Variants in POLR3B observed in about 807,000 individuals in gnomAD.
POLR3B encodes DNA-directed RNA polymerase III subunit RPC2.
In POLR3B, 96 loss-of-function variants were observed where a neutral mutation model predicts 147.4. That is an observed-to-expected ratio of 0.65 (90% confidence interval 0.55 to 0.77). POLR3B has a LOEUF of 0.77. Among genes scored for constraint, POLR3B ranks in the 30% least tolerant of loss-of-function variants. POLR3B has a pLI of 0.00. For synonymous variants in POLR3B, 461 were observed against 485.9 expected, an observed-to-expected ratio of 0.95 and a Z score of 0.67; for missense variants, 1,036 against 1,413.5, an observed-to-expected ratio of 0.73 and a Z score of 4.28.
intron 1 of POLR3B, among the ~76,000 whole-genome samples, chr12:106,359,331 A>ATTTT (rs35229993): frequency 1.0e-4 from 14 of 134,904 alleles, no homozygotes; most frequent in African/African-American, 3.3e-4. Flanking sequence ...AGGCAAAACT[A>ATTTT]TTTTTTTTTT....
At chr12:106,467,400 A>T (rs2038021506) in intron 23 of POLR3B, among the ~76,000 whole-genome samples, 1 of 152,204 alleles carries the variant, frequency 6.6e-6, no homozygotes, top group Admixed American at 6.5e-5. Flanking sequence ...ATCTGCAATG[A>T]AAGACAATTT....
chr12:106,409,659 G>T (rs2037197622), intron 11 of POLR3B, among the ~76,000 whole-genome samples: 1 of 145,618 alleles, frequency 6.9e-6, no homozygotes, highest in Non-Finnish European at 1.5e-5. Context: ...ATGTATGAAG[G>T]AGAATGCTTG....
At chr12:106,489,595 G>T (rs948337985) in intron 23 of POLR3B, among the ~76,000 whole-genome samples, 1 of 152,198 alleles carries the variant, frequency 6.6e-6, no homozygotes, top group Non-Finnish European at 1.5e-5. Context: ...AAAGAGGCTT[G>T]TGGGAAGTAA....
chr12:106,376,473 GTCCCACT>G (rs1343837094), intron 7 of POLR3B, 23 bp downstream of exon 7: 1 of 1,503,794 alleles, frequency 6.6e-7, no homozygotes, highest in African/African-American at 1.4e-5. Context: ...TCTTGGATTT[GTCCCACT>G]TTCCTTATTC....
chr12:106,428,053 TACTTG>T (rs1273521918), intron 13 of POLR3B, among the ~76,000 whole-genome samples: 10 of 152,220 alleles, frequency 6.6e-5, no homozygotes, highest in African/African-American at 9.6e-5. Flanking sequence ...CTTGCTTCAA[TACTTG>T]ACTTTAGAAC....
chr12:106,458,819 A>C (rs1476677163), intron 21 of POLR3B, among the ~76,000 whole-genome samples: 1 of 152,220 alleles, frequency 6.6e-6, no homozygotes, highest in Non-Finnish European at 1.5e-5. Flanking sequence ...AATGGGAATA[A>C]CAGCATAACC....
intron 22 of POLR3B, among the ~76,000 whole-genome samples, chr12:106,459,826 G>A (rs1012205339): frequency 6.6e-6 from 1 of 152,176 alleles, no homozygotes; most frequent in Admixed American, 6.6e-5. Context: ...TCTTACATGA[G>A]TAAAGCATTT....
In POLR3B at chr12:106,378,355, A is replaced by G. The variant is rs766028971; in HGVS notation, c.585A>G (p.Arg195=). Residue 195 remains arginine (R), a synonymous_variant, in exon 8 of 28, where the codon AGA becomes AGG. Transcript: ENST00000228347. Reference sequence around the variant, plus strand: ...ACAGGATCATCGTGGAGGCTGATAGAAAAGGGGCTGTTGGAGCTTCAGTTA... The same window carrying G: ...ACAGGATCATCGTGGAGGCTGATAGGAAAGGGGCTGTTGGAGCTTCAGTTA... The part of the protein sequence containing the change: ...SKNRIIVEAD[R]KGAVGASVTS... 5 of 1,613,174 alleles carry G rather than the reference A, an allele frequency of 3.1e-6. No homozygotes were observed. In the Admixed American group the frequency reaches 5.0e-5, roughly 16 times the overall value.
At chr12:106,408,370 G>A (rs934449137) in intron 11 of POLR3B, among the ~76,000 whole-genome samples, 6 of 152,160 alleles carry the variant, frequency 3.9e-5, no homozygotes, top group African/African-American at 1.4e-4. Context: ...TCAGTTCCTT[G>A]GAGACTGTGG....
At chr12:106,420,491 C>T (rs1246425271) in intron 12 of POLR3B, among the ~76,000 whole-genome samples, 4 of 152,146 alleles carry the variant, frequency 2.6e-5, no homozygotes, top group African/African-American at 9.7e-5. Context: ...GGTGAAAAGC[C>T]TTAAAAATGA....
chr12:106,490,909 T>C (rs1054931751), intron 23 of POLR3B, among the ~76,000 whole-genome samples: 4 of 152,188 alleles, frequency 2.6e-5, no homozygotes, highest in African/African-American at 9.7e-5. Flanking sequence ...CCAATAGATA[T>C]CTGCAACCCC....
chr12:106,386,004 C>G (rs990059853), intron 9 of POLR3B, among the ~76,000 whole-genome samples: 1 of 152,174 alleles, frequency 6.6e-6, no homozygotes, highest in Admixed American at 6.5e-5. Context: ...AGGGATCCCA[C>G]AGTGCCCAAT....
intron 1 of POLR3B, 53 bp downstream of exon 1, chr12:106,358,004 G>A: frequency 6.3e-7 from 1 of 1,599,020 alleles, no homozygotes; most frequent in Non-Finnish European, 8.5e-7. Flanking sequence ...CCCTGAGGGG[G>A]CGTTGCCCGG....
intron 16 of POLR3B, 58 bp from the exon 17 acceptor site, chr12:106,436,999 T>G (rs2037585309): frequency 7.7e-7 from 1 of 1,306,468 alleles, no homozygotes; most frequent in Admixed American, 1.7e-5. Context: ...TAAACTAACT[T>G]GCCTGTGTAA....
chr12:106,464,587 G>A (rs1002602805), intron 23 of POLR3B, among the ~76,000 whole-genome samples: 1 of 152,184 alleles, frequency 6.6e-6, no homozygotes, highest in Non-Finnish European at 1.5e-5. Context: ...AGTTAGCAGT[G>A]TGCCTGGCAC....
At chr12:106,399,237 A>G (rs2037026421) in intron 10 of POLR3B, among the ~76,000 whole-genome samples, 1 of 152,250 alleles carries the variant, frequency 6.6e-6, no homozygotes, top group African/African-American at 2.4e-5. Flanking sequence ...GTGATGGAAG[A>G]CGAAATGAAT....
intron 20 of POLR3B, among the ~76,000 whole-genome samples, 176 bp from the exon 21 acceptor site, chr12:106,456,962 T>G (rs1222222608): frequency 6.6e-6 from 1 of 152,192 alleles, no homozygotes; most frequent in Non-Finnish European, 1.5e-5. Flanking sequence ...TGCTGCTTCT[T>G]CAGATTATCA....
At chr12:106,499,096 A>C (rs2038552563) in intron 25 of POLR3B, among the ~76,000 whole-genome samples, 1 of 152,238 alleles carries the variant, frequency 6.6e-6, no homozygotes, top group African/African-American at 2.4e-5. Context: ...TGTTATAGAA[A>C]AGCACATTAC....
In POLR3B at chr12:106,476,468, A is replaced by C. The variant is rs1213733653; in HGVS notation, c.2713+12848A>C. 2.7e-5 allele frequency among the ~76,000 whole-genome samples: 2 copies of C among 74,202 alleles called. 1 individual carries two copies. The highest frequency in any genetic ancestry group is 4.9e-5 in the Non-Finnish European group (2 of 40,706). The allele number at this position is 74,202 out of a possible 152,430, so 48.7% of individuals were successfully genotyped here. A position where few individuals can be genotyped will look rare whatever the true frequency, so the allele number is the denominator to read the frequency against. Reference sequence around the variant, plus strand: ...ATAATATCCTGCAGAGTGTTTTCCAACTTGGTTCCATTCTCCTCATCACTT... The same window carrying C: ...ATAATATCCTGCAGAGTGTTTTCCACCTTGGTTCCATTCTCCTCATCACTT... On this transcript the variant is annotated intron_variant, in intron 23 of 27. Coordinates refer to ENST00000228347, the MANE Select transcript of POLR3B (RefSeq NM_018082.6).
Sources: gnomAD v4.1 joint callset for allele counts (sites outside exome capture counted in the v4.1 genomes callset) on GRCh38, gnomAD v4.1.1 for gene constraint, MANE v1.5 for transcripts, NCBI Gene and HGNC (gene_info 2026-07-23, HGNC 2026-07-21) for gene names.